Variants in RXFP1 observed in about 807,000 individuals in gnomAD.
The protein encoded by RXFP1 is relaxin family peptide receptor 1.
In RXFP1, 73 loss-of-function variants were observed where a neutral mutation model predicts 89.8. The observed-to-expected ratio is 0.81, with a 90% CI of 0.67 to 0.99. The LOEUF (loss-of-function observed/expected upper bound fraction) is 0.99. RXFP1 is among the 50% of genes least tolerant of loss of function. RXFP1 has a pLI of 0.00. For synonymous variants in RXFP1, 277 were observed against 305.5 expected (o/e 0.91, Z 0.97); for missense variants, 793 against 895.5 (o/e 0.89, Z 1.46).
chr4:158,526,515 G>T (rs1742536186), intron 1 of RXFP1, among the ~76,000 whole-genome samples: 1 of 152,168 alleles, frequency 6.6e-6, no homozygotes, highest in South Asian at 2.1e-4. Context: ...GGGGCAAGTT[G>T]TGAATATTTC....
intron 5 of RXFP1, chr4:158,606,994 GA>G: frequency 7.9e-7 from 1 of 1,268,420 alleles, no homozygotes. Context: ...CGCTCATATT[GA>G]TTTCTTTCTT....
intron 1 of RXFP1, among the ~76,000 whole-genome samples, chr4:158,569,099 C>T (rs1376132663): frequency 6.6e-6 from 1 of 152,188 alleles, no homozygotes; most frequent in Admixed American, 6.5e-5. Flanking sequence ...CAAAAACCTG[C>T]ACACAGGTGT....
intron 14 of RXFP1, among the ~76,000 whole-genome samples, chr4:158,641,103 C>A (rs1320194113): frequency 6.6e-6 from 1 of 152,174 alleles, no homozygotes; most frequent in African/African-American, 2.4e-5. Flanking sequence ...AACACAGAAC[C>A]CTGTTTTTGT....
chr4:158,562,252 A>G (rs11736805), intron 1 of RXFP1, among the ~76,000 whole-genome samples: 104,373 of 152,016 alleles, frequency 0.69, 41,815 homozygotes, highest in East Asian at 0.98. Context: ...TCTAAAATTT[A>G]TCACAGTTTA....
chr4:158,524,555 T>C (rs1742001616), intron 1 of RXFP1, among the ~76,000 whole-genome samples: 1 of 152,340 alleles, frequency 6.6e-6, no homozygotes, highest in African/African-American at 2.4e-5. Flanking sequence ...GATTTCCTTT[T>C]AGCCTTGAGA....
At chr4:158,602,150 A>G (rs1040155606) in intron 4 of RXFP1, among the ~76,000 whole-genome samples, 7 of 152,250 alleles carry the variant, frequency 4.6e-5, no homozygotes, top group Non-Finnish European at 1.0e-4. Context: ...AATGAGAATA[A>G]CAGCATCTAC....
intron 1 of RXFP1, among the ~76,000 whole-genome samples, chr4:158,569,854 C>A (rs1754665415): frequency 1.3e-5 from 2 of 152,232 alleles, no homozygotes; most frequent in East Asian, 1.9e-4. Context: ...AACAATTGGA[C>A]AACCAATATG....
intron 1 of RXFP1, among the ~76,000 whole-genome samples, chr4:158,546,135 G>T (rs941739413): frequency 6.6e-6 from 1 of 151,936 alleles, no homozygotes; most frequent in Non-Finnish European, 1.5e-5. Flanking sequence ...TTGAGCAGTG[G>T]TTTGTAGTTC....
intron 1 of RXFP1, chr4:158,543,952 T>G (rs959780366): frequency 2.0e-6 from 2 of 985,452 alleles, no homozygotes; most frequent in Non-Finnish European, 2.4e-6. Flanking sequence ...CTGAGGATTC[T>G]TGGTGCATAT....
At chr4:158,633,354 T>C in intron 11 of RXFP1, 51 bp from the exon 12 acceptor site, 1 of 1,176,158 alleles carries the variant, frequency 8.5e-7, no homozygotes, top group Non-Finnish European at 1.3e-6. Flanking sequence ...TTCAGAACAA[T>C]GAGTAAAGTC....
chr4:158,565,405 T>G (rs912281215), intron 1 of RXFP1, among the ~76,000 whole-genome samples: 1 of 152,156 alleles, frequency 6.6e-6, no homozygotes, highest in Non-Finnish European at 1.5e-5. Flanking sequence ...CTGAGAGACC[T>G]GGTGGCAGTG....
Position 158,651,737 on chromosome 4 carries a change from A to G in RXFP1, c.1976-20A>G, listed in dbSNP as rs1224427788. ...GTAAACATCTATAAACACTAAAACT[A>G]TTTCATTTTTCTTTTTTAGGTACCA... is the stretch of plus-strand genomic sequence containing the variant. On this transcript the variant is annotated intron_variant, in intron 17 of 17. Coordinates refer to ENST00000307765, the MANE Select transcript of RXFP1 (RefSeq NM_021634.4). 3 of 1,568,070 alleles carry G rather than the reference A, an allele frequency of 1.9e-6. No homozygotes were observed. Among genetic ancestry groups the G allele is most frequent in the Admixed American group, 3.7e-5 (2 of 53,936 alleles).
intron 14 of RXFP1, among the ~76,000 whole-genome samples, chr4:158,644,044 T>C (rs1286302068): frequency 1.7e-4 from 1 of 6,046 alleles, no homozygotes; most frequent in African/African-American, 1.9e-4. Context: ...ATGTCTTCTT[T>C]TTTTTTTTTT....
chr4:158,637,526 A>G (rs1001769444), intron 12 of RXFP1, among the ~76,000 whole-genome samples: 2 of 152,046 alleles, frequency 1.3e-5, no homozygotes, highest in African/African-American at 4.8e-5. Context: ...TTAGTCATTT[A>G]TATGTCTTCT....
chr4:158,648,873 G>A (rs1772082372), intron 17 of RXFP1, among the ~76,000 whole-genome samples, 156 bp downstream of exon 17: 1 of 152,228 alleles, frequency 6.6e-6, no homozygotes, highest in Non-Finnish European at 1.5e-5. Context: ...AGCACTCTGG[G>A]AGGCCAAGAC....
At position 158,651,995 on chromosome 4, in the gene RXFP1, C is replaced by A. The variant is rs370806249; in HGVS notation, c.2214C>A (p.Phe738Leu). 1 of 1,614,150 alleles carries A rather than the reference C, an allele frequency of 6.2e-7. No individual in the cohort carries two copies. Among genetic ancestry groups the A allele is most frequent in the Non-Finnish European group, 8.5e-7 (1 of 1,180,012 alleles). ...CTGAGTTAATGAAGCCGGACCTTTT[C>A]ACATACCCCTGTGAAATGTCACTGA... Reference protein sequence around the residue: ...MPPELMKPDLFTYPCEMSLIS... With the variant: ...MPPELMKPDLLTYPCEMSLIS... The change falls in exon 18 of 18, where the codon TTC becomes TTA. Residue 738 changes from phenylalanine to leucine, a missense_variant. By Grantham distance (22) the Phe-to-Leu change is conservative (BLOSUM62 0). Transcript: ENST00000307765.
At chr4:158,542,109 A>ATATATATATATATATATTT in intron 1 of RXFP1, among the ~76,000 whole-genome samples, 8 of 35,236 alleles carry the variant, frequency 2.3e-4, no homozygotes, top group Non-Finnish European at 3.3e-4. Flanking sequence ...ATATATATAT[A>ATATATATATATATATATTT]TTTTTTTTTT....
At position 158,639,182 on chromosome 4, in the gene RXFP1, G is replaced by T; in HGVS notation, c.1044-78G>T. 4 of 801,426 alleles carry T rather than the reference G, an allele frequency of 5.0e-6. No individual in the cohort carries two copies. In the East Asian group the frequency reaches 7.5e-5, roughly 15 times the overall value. The allele number at this position is 801,426 out of a possible 1,614,324, so 49.6% of individuals were successfully genotyped here. A position where few individuals can be genotyped will look rare whatever the true frequency, so the allele number is the denominator to read the frequency against. On this transcript the variant is annotated intron_variant, in intron 13 of 17. Coordinates refer to ENST00000307765, the MANE Select transcript of RXFP1 (RefSeq NM_021634.4). Reference sequence around the variant, plus strand: ...TTAACTAAAAGCATTTTATTAAATTGTCCTTCACAGAAACTCAATTTATTA... The same window carrying T: ...TTAACTAAAAGCATTTTATTAAATTTTCCTTCACAGAAACTCAATTTATTA...
chr4:158,631,021 A>G (rs1767926696), intron 11 of RXFP1, among the ~76,000 whole-genome samples: 2 of 152,206 alleles, frequency 1.3e-5, no homozygotes, highest in South Asian at 4.1e-4. Flanking sequence ...TTCATTCAGA[A>G]ATGGACCTTG....
Sources: gnomAD v4.1 joint callset for allele counts (sites outside exome capture counted in the v4.1 genomes callset) on GRCh38, gnomAD v4.1.1 for gene constraint, MANE v1.5 for transcripts, NCBI Gene and HGNC (gene_info 2026-07-23, HGNC 2026-07-21) for gene names.